Variants in NKAIN2 observed in about 807,000 individuals in gnomAD.
NKAIN2 encodes the protein sodium/potassium transporting ATPase interacting 2, also known as sodium/potassium-transporting ATPase subunit beta-1-interacting protein 2.
In NKAIN2, 14 loss-of-function variants were observed where a neutral mutation model predicts 32.6. The observed-to-expected ratio is 0.43, with a 90% confidence interval of 0.28 to 0.67. The LOEUF (loss-of-function observed/expected upper bound fraction) is 0.67. Ranked by LOEUF, NKAIN2 falls within the 30% of genes least tolerant of loss-of-function variation. The pLI, the probability that NKAIN2 is intolerant of heterozygous loss-of-function variation, is 0.17. For missense variants in NKAIN2, 198 were observed against 258.3 expected, an observed-to-expected ratio of 0.77 and a Z score of 1.60; for synonymous variants, 80 against 87.2, an observed-to-expected ratio of 0.92 and a Z score of 0.46.
chr6:123,852,862 T>C (rs1775408380), intron 1 of NKAIN2, among the ~76,000 whole-genome samples: 1 of 152,180 alleles, frequency 6.6e-6, no homozygotes, highest in Non-Finnish European at 1.5e-5. Context: ...AGAGGTGTTG[T>C]TGTGTAGAGT....
At chr6:124,023,456 C>T (rs187930181) in intron 1 of NKAIN2, among the ~76,000 whole-genome samples, 74 of 152,098 alleles carry the variant, frequency 4.9e-4, no homozygotes, top group African/African-American at 1.5e-3. Flanking sequence ...AATCCTTTTC[C>T]ATCTTTCAAA....
chr6:124,424,954 C>T (rs1774918683), intron 3 of NKAIN2, among the ~76,000 whole-genome samples: 1 of 152,106 alleles, frequency 6.6e-6, no homozygotes, highest in Non-Finnish European at 1.5e-5. Flanking sequence ...AATGGTAGTT[C>T]TATTTTTAAT....
At chr6:124,595,366 A>G (rs901742534) in intron 3 of NKAIN2, among the ~76,000 whole-genome samples, 1 of 152,124 alleles carries the variant, frequency 6.6e-6, no homozygotes, top group Non-Finnish European at 1.5e-5. Context: ...TTATCTGGCC[A>G]TTTTCACAGA....
At chr6:124,254,871 A>T (rs568321140) in intron 1 of NKAIN2, among the ~76,000 whole-genome samples, 1 of 152,176 alleles carries the variant, frequency 6.6e-6, no homozygotes, top group African/African-American at 2.4e-5. Flanking sequence ...TGAACACCTA[A>T]TTATTACTCT....
chr6:124,808,394 C>G (rs1780702616), intron 5 of NKAIN2, among the ~76,000 whole-genome samples: 1 of 152,188 alleles, frequency 6.6e-6, no homozygotes, highest in Non-Finnish European at 1.5e-5. Flanking sequence ...ACATGACTAT[C>G]TTAATAGATG....
intron 3 of NKAIN2, among the ~76,000 whole-genome samples, chr6:124,606,894 C>T (rs2114990766): frequency 6.6e-6 from 1 of 152,128 alleles, no homozygotes; most frequent in Non-Finnish European, 1.5e-5. Context: ...AAGAAAGGAC[C>T]ACAATTAAAC....
chr6:124,022,267 G>A (rs990421420), intron 1 of NKAIN2, among the ~76,000 whole-genome samples: 1 of 152,038 alleles, frequency 6.6e-6, no homozygotes, highest in Non-Finnish European at 1.5e-5. Flanking sequence ...GTGTATATGT[G>A]CCACATTTTC....
chr6:124,796,056 C>T (rs1408210637), intron 5 of NKAIN2, among the ~76,000 whole-genome samples: 3 of 151,990 alleles, frequency 2.0e-5, no homozygotes, highest in Non-Finnish European at 4.4e-5. Flanking sequence ...TGTGCAGACT[C>T]ACAGGGTGCC....
At chr6:124,668,040 C>T (rs1233437233) in intron 4 of NKAIN2, among the ~76,000 whole-genome samples, 1 of 152,084 alleles carries the variant, frequency 6.6e-6, no homozygotes, top group Non-Finnish European at 1.5e-5. Context: ...CTGCTTCTGT[C>T]CTGACTGCCA....
chr6:124,446,898 A>G (rs1775914860), intron 3 of NKAIN2, among the ~76,000 whole-genome samples: 1 of 152,100 alleles, frequency 6.6e-6, no homozygotes, highest in African/African-American at 2.4e-5. Context: ...ACACATTATG[A>G]TGATGGTGGT....
chr6:124,433,598 A>T (rs1775308792), intron 3 of NKAIN2, among the ~76,000 whole-genome samples: 1 of 152,176 alleles, frequency 6.6e-6, no homozygotes, highest in Non-Finnish European at 1.5e-5. Flanking sequence ...GAGGCAGCTC[A>T]ATAAGGCTAT....
chr6:124,472,216 G>T (rs1259605386), intron 3 of NKAIN2, among the ~76,000 whole-genome samples: 1 of 152,030 alleles, frequency 6.6e-6, no homozygotes, highest in Non-Finnish European at 1.5e-5. Context: ...TTGCTGAAAG[G>T]ATACATTAGA....
intron 3 of NKAIN2, among the ~76,000 whole-genome samples, chr6:124,422,506 T>G (rs956089201): frequency 5.3e-5 from 8 of 152,178 alleles, no homozygotes; most frequent in African/African-American, 1.9e-4. Flanking sequence ...TCAGAAAGAT[T>G]AGTATTTTTA....
intron 3 of NKAIN2, among the ~76,000 whole-genome samples, chr6:124,480,064 T>A (rs554356084): frequency 6.6e-6 from 1 of 152,348 alleles, no homozygotes; most frequent in East Asian, 1.9e-4. Flanking sequence ...TAGATGCAGT[T>A]CAGGTTTTGG....
chr6:123,957,914 A>G (rs893899028), intron 1 of NKAIN2, among the ~76,000 whole-genome samples: 4 of 152,188 alleles, frequency 2.6e-5, no homozygotes, highest in African/African-American at 9.7e-5. Context: ...GTCAATCACA[A>G]TATTTAATGT....
intron 1 of NKAIN2, among the ~76,000 whole-genome samples, chr6:123,948,774 T>A (rs1777194592): frequency 6.6e-6 from 1 of 151,800 alleles, no homozygotes; most frequent in Admixed American, 6.6e-5. Flanking sequence ...AATATAGTCC[T>A]CTTTGACTAT....
At chr6:124,486,212 A>G (rs534344974) in intron 3 of NKAIN2, among the ~76,000 whole-genome samples, 3 of 152,354 alleles carry the variant, frequency 2.0e-5, no homozygotes, top group African/African-American at 7.2e-5. Flanking sequence ...GTTGGCTGAA[A>G]GAAACGTGAC....
intron 3 of NKAIN2, among the ~76,000 whole-genome samples, chr6:124,410,557 G>A (rs1304127133): frequency 6.6e-6 from 1 of 152,190 alleles, no homozygotes; most frequent in Non-Finnish European, 1.5e-5. Context: ...TGTGGTCTGA[G>A]AGACAGTTTG....
intron 3 of NKAIN2, among the ~76,000 whole-genome samples, chr6:124,647,222 C>T (rs1321335571): frequency 6.6e-6 from 1 of 151,706 alleles, no homozygotes; most frequent in Admixed American, 6.6e-5. Flanking sequence ...ACAGAGAAGG[C>T]ATCATTTATA....
Sources: allele counts gnomAD v4.1 joint callset (sites outside exome capture counted in the v4.1 genomes callset), GRCh38; gene constraint gnomAD v4.1.1; transcripts MANE v1.5; gene names NCBI Gene and HGNC (gene_info 2026-07-23, HGNC 2026-07-21).